KCTD2: variants seen among roughly 807,000 people sequenced by gnomAD.
KCTD2 encodes BTB/POZ domain-containing protein KCTD2.
In KCTD2, 18 loss-of-function variants were observed where a neutral mutation model predicts 27.9. The ratio of observed to expected loss-of-function variants is 0.64; its 90% CI spans 0.45 to 0.96. The LOEUF is 0.96. Among genes scored for constraint, KCTD2 ranks in the 40% least tolerant of loss-of-function variants. KCTD2 has a pLI of 0.00. For missense variants in KCTD2, 280 were observed against 348.0 expected (o/e 0.80, Z 1.56); for synonymous variants, 175 against 148.4 (o/e 1.18, Z -1.30).
chr17:75,059,786 G>C (rs1406804988), intron 4 of KCTD2, among the ~76,000 whole-genome samples, 181 bp downstream of exon 4: 2 of 152,190 alleles, frequency 1.3e-5, no homozygotes, highest in African/African-American at 2.4e-5. Flanking sequence ...GGTGCGTGAG[G>C]AGTTGGGGAA....
At chr17:75,044,022 ACT>A (rs1491287513), upstream of KCTD2, among the ~76,000 whole-genome samples, 4 of 135,174 alleles carry the variant, frequency 3.0e-5, no homozygotes, top group Non-Finnish European at 6.1e-5. Flanking sequence ...CACGTTGTGC[ACT>A]TTTTTTTTTT....
intron 2 of KCTD2, among the ~76,000 whole-genome samples, chr17:75,034,743 AGGCCGGT>A (rs2040098358): frequency 6.6e-6 from 1 of 152,006 alleles, no homozygotes; most frequent in Non-Finnish European, 1.5e-5. Context: ...GCGAGCGCAG[AGGCCGGT>A]GGAGCATAGC....
chr17:75,051,416 C>G (rs1351621088), intron 2 of KCTD2, among the ~76,000 whole-genome samples: 2 of 150,998 alleles, frequency 1.3e-5, no homozygotes, highest in Non-Finnish European at 2.9e-5. Flanking sequence ...TCCTGAGTAC[C>G]TGGGATTACA....
intron 3 of KCTD2, among the ~76,000 whole-genome samples, chr17:75,053,635 G>A (rs2073316318): frequency 6.6e-6 from 1 of 151,928 alleles, no homozygotes; most frequent in South Asian, 2.1e-4. Context: ...TAGAGATGGG[G>A]TTTCACCATG....
At chr17:75,055,493 A>T (rs928968809) in intron 3 of KCTD2, among the ~76,000 whole-genome samples, 1 of 151,990 alleles carries the variant, frequency 6.6e-6, no homozygotes, top group African/African-American at 2.4e-5. Flanking sequence ...AGGAGGGCAG[A>T]TCACTTGAGG....
rs35875644 is a variant in KCTD2 at position 75,056,952 on chromosome 17, C to CTT, written c.541-2540_541-2539dup. On this transcript the variant is annotated intron_variant, in intron 3 of 5. Coordinates refer to ENST00000322444, the MANE Select transcript of KCTD2 (RefSeq NM_015353.3). ...CTCTGTTTCTTTTTTTTTCTTTTTT[C>CTT]TTTTTTTTTTTTTTTTTTTGGAGAC... Among the ~76,000 whole-genome samples the CTT allele has an allele frequency of 6.2e-3, 669 of 107,980 alleles. 10 individuals are homozygous for CTT. Among genetic ancestry groups the CTT allele is most frequent in the Non-Finnish European group, 9.1e-3 (512 of 56,020 alleles). The allele number at this position is 107,980 out of a possible 152,430, so 70.8% of individuals were successfully genotyped here.
chr17:75,043,059 T>G (rs2073176841), upstream of KCTD2, among the ~76,000 whole-genome samples: 1 of 151,162 alleles, frequency 6.6e-6, no homozygotes, highest in Non-Finnish European at 1.5e-5. Flanking sequence ...CCATCTCTAT[T>G]AAAAATACAA....
chr17:75,061,857 C>T (rs1054858598), intron 4 of KCTD2, among the ~76,000 whole-genome samples: 5 of 151,560 alleles, frequency 3.3e-5, no homozygotes, highest in Admixed American at 2.6e-4. Flanking sequence ...TTAATCCTGC[C>T]GCTGACGGGG....
intron 4 of KCTD2, 73 bp from the exon 5 acceptor site, chr17:75,062,047 G>T: frequency 6.4e-7 from 1 of 1,558,462 alleles, no homozygotes; most frequent in Non-Finnish European, 8.8e-7. Flanking sequence ...CGGAAGAGGG[G>T]TGATTTGTGT....
At chr17:75,047,894 C>A (rs2073243907) in intron 1 of KCTD2, among the ~76,000 whole-genome samples, 1 of 152,156 alleles carries the variant, frequency 6.6e-6, no homozygotes, top group Admixed American at 6.5e-5. Flanking sequence ...ATTCTCTGCC[C>A]CTGACATCCC....
intron 3 of KCTD2, among the ~76,000 whole-genome samples, chr17:75,035,825 C>A (rs2040109993): frequency 6.6e-6 from 1 of 151,978 alleles, no homozygotes; most frequent in African/African-American, 2.4e-5. Flanking sequence ...AGAGCGAAAG[C>A]CGTCTCAAAA....
upstream of KCTD2, chr17:75,042,246 T>C (rs553483525): frequency 6.2e-7 from 1 of 1,614,202 alleles, no homozygotes; most frequent in South Asian, 1.1e-5. Flanking sequence ...GCCCAGTCGA[T>C]AGCTGGTGGA....
chr17:75,037,116 G>A (rs969210455), intron 3 of KCTD2, among the ~76,000 whole-genome samples: 1 of 152,080 alleles, frequency 6.6e-6, no homozygotes, highest in Non-Finnish European at 1.5e-5. Context: ...AGGCCAAGGC[G>A]GGCAGATCAC....
In KCTD2 at chr17:75,047,269, G is replaced by C. The variant is rs777275749; in HGVS notation, c.19G>C (p.Asp7His). The change falls in exon 1 of 6, where the codon GAC becomes CAC. Residue 7 changes from aspartate (D) to histidine (H), a missense_variant. Physicochemically the swap from Asp to His is moderately conservative, Grantham distance 81. Coordinates refer to ENST00000322444, the MANE Select transcript of KCTD2 (RefSeq NM_015353.3). MAELQLDPAMAGLGGGG... is the reference protein window; with the variant it reads MAELQLHPAMAGLGGGG... ...GTCCAAGATGGCGGAACTGCAGCTGGACCCGGCGATGGCGGGGCTGGGAGG... is the reference window on the plus strand; with the variant it reads ...GTCCAAGATGGCGGAACTGCAGCTGCACCCGGCGATGGCGGGGCTGGGAGG... 6 of 914,926 alleles carry C rather than the reference G, an allele frequency of 6.6e-6. No homozygotes were observed. Among genetic ancestry groups the C allele is most frequent in the Non-Finnish European group, 8.0e-6 (6 of 752,514 alleles). 56.7% of individuals were successfully genotyped at this position (914,926 alleles called of 1,614,324 possible). A position where few individuals can be genotyped will look rare whatever the true frequency, so the allele number is the denominator to read the frequency against.
intron 3 of KCTD2, chr17:75,040,754 C>A (rs937704898): frequency 6.6e-6 from 1 of 152,468 alleles, no homozygotes; most frequent in Non-Finnish European, 1.5e-5. Flanking sequence ...TGCAAGGTGG[C>A]CAGCACCTGT....
exon 3 of KCTD2, chr17:75,035,234 C>T (rs1271838517): frequency 6.6e-6 from 1 of 152,046 alleles, no homozygotes; most frequent in Non-Finnish European, 1.5e-5. Flanking sequence ...TGTTTTAGAC[C>T]CAGAAACGCC....
At chr17:75,043,174 T>TCC (rs1181378950), upstream of KCTD2, among the ~76,000 whole-genome samples, 1 of 152,182 alleles carries the variant, frequency 6.6e-6, no homozygotes, top group Admixed American at 6.5e-5. Flanking sequence ...TGAGCTGAGA[T>TCC]GGCATCAGTG....
At chr17:75,038,300 G>T (rs1000646216) in intron 3 of KCTD2, among the ~76,000 whole-genome samples, 1 of 151,682 alleles carries the variant, frequency 6.6e-6, no homozygotes. Flanking sequence ...CCACCACCAC[G>T]CCTGGCTAAT....
intron 2 of KCTD2, 46 bp downstream of exon 2, chr17:75,049,374 T>C (rs779732528): frequency 4.2e-6 from 5 of 1,185,626 alleles, no homozygotes; most frequent in Non-Finnish European, 5.0e-6. Flanking sequence ...GCAAGTAGAA[T>C]CTTTAAAGTT....
Sources: gnomAD v4.1 joint callset for allele counts (sites outside exome capture counted in the v4.1 genomes callset) on GRCh38, gnomAD v4.1.1 for gene constraint, MANE v1.5 for transcripts, NCBI Gene and HGNC (gene_info 2026-07-23, HGNC 2026-07-21) for gene names.